PROS1: variants seen among roughly 807,000 people sequenced by gnomAD.
PROS1 encodes vitamin K-dependent protein S.
In PROS1, 29 loss-of-function variants were observed where a neutral mutation model predicts 75.9. That is an observed-to-expected ratio of 0.38 (90% CI 0.28 to 0.52). The LOEUF (loss-of-function observed/expected upper bound fraction) is 0.52, where lower values mean the gene tolerates loss of function less well. Ranked by LOEUF, PROS1 falls within the 20% of genes least tolerant of loss-of-function variation. The pLI is 0.83. For missense variants in PROS1, 680 were observed against 810.3 expected (o/e 0.84, Z 1.95); for synonymous variants, 245 against 280.6 (o/e 0.87, Z 1.27).
At chr3:93,894,549 C>T (rs1395990135) in intron 9 of PROS1, among the ~76,000 whole-genome samples, 1 of 152,054 alleles carries the variant, frequency 6.6e-6, no homozygotes, top group Non-Finnish European at 1.5e-5. Flanking sequence ...TAAAATCAGG[C>T]TGAAATCATA....
chr3:93,920,476 C>T (rs4133534), intron 3 of PROS1, among the ~76,000 whole-genome samples: 117,694 of 152,020 alleles, frequency 0.77, 45,773 homozygotes, highest in Non-Finnish European at 0.81. Context: ...TACTAGACTA[C>T]TGCTTGCATA....
At chr3:93,956,896 G>T (rs1709612412) in intron 1 of PROS1, among the ~76,000 whole-genome samples, 1 of 151,872 alleles carries the variant, frequency 6.6e-6, no homozygotes, top group South Asian at 2.1e-4. Flanking sequence ...TCAAAAGCAC[G>T]TTCCCAGGAG....
chr3:93,947,321 C>A (rs1280376617), intron 1 of PROS1, among the ~76,000 whole-genome samples: 1 of 152,102 alleles, frequency 6.6e-6, no homozygotes, highest in Admixed American at 6.6e-5. Context: ...ATTAACTATA[C>A]AACTCCATTC....
intron 6 of PROS1, among the ~76,000 whole-genome samples, chr3:93,901,892 T>G (rs1215549573): frequency 6.6e-6 from 1 of 152,188 alleles, no homozygotes; most frequent in Non-Finnish European, 1.5e-5. Context: ...TACAACTTCA[T>G]GTGAATCTTT....
chr3:93,902,572 GC>G (rs1169466381), intron 6 of PROS1, among the ~76,000 whole-genome samples: 1 of 151,862 alleles, frequency 6.6e-6, no homozygotes, highest in East Asian at 2.0e-4. Context: ...GGTCAACATG[GC>G]AAAACCCCGT....
intron 1 of PROS1, among the ~76,000 whole-genome samples, chr3:93,961,417 C>T (rs1203322365): frequency 3.3e-5 from 5 of 152,140 alleles, no homozygotes; most frequent in African/African-American, 7.2e-5. Flanking sequence ...GGCCACATGG[C>T]GGGAATGGTG....
At chr3:93,943,769 C>G (rs1328909015) in intron 1 of PROS1, among the ~76,000 whole-genome samples, 1 of 152,184 alleles carries the variant, frequency 6.6e-6, no homozygotes, top group African/African-American at 2.4e-5. Flanking sequence ...AGTGAAGAAT[C>G]ACCAAAGAAG....
chr3:93,874,700 A>AT (rs1708157598), intron 14 of PROS1, among the ~76,000 whole-genome samples: 1 of 152,114 alleles, frequency 6.6e-6, no homozygotes, highest in African/African-American at 2.4e-5. Flanking sequence ...GTGATATTCT[A>AT]TTTTTATTAT....
chr3:93,964,048 G>T (rs1293074811), intron 1 of PROS1, among the ~76,000 whole-genome samples: 1 of 152,120 alleles, frequency 6.6e-6, no homozygotes, highest in Admixed American at 6.5e-5. Flanking sequence ...TCTTATGCTT[G>T]TCTTACTTTA....
At chr3:93,891,863 T>C (rs2107148177) in intron 10 of PROS1, among the ~76,000 whole-genome samples, 1 of 152,184 alleles carries the variant, frequency 6.6e-6, no homozygotes, top group Non-Finnish European at 1.5e-5. Flanking sequence ...AAGACCAGCC[T>C]GGGCAACATA....
At chr3:93,966,762 C>A (rs529110438) in intron 1 of PROS1, among the ~76,000 whole-genome samples, 1 of 150,220 alleles carries the variant, frequency 6.7e-6, no homozygotes, top group Non-Finnish European at 1.5e-5. Flanking sequence ...CCTGTAGTCC[C>A]AGCCACTCAG....
At chr3:93,970,490 C>T (rs976985959) in intron 1 of PROS1, among the ~76,000 whole-genome samples, 1 of 152,056 alleles carries the variant, frequency 6.6e-6, no homozygotes, top group Non-Finnish European at 1.5e-5. Flanking sequence ...TGTGTACCAA[C>T]ACATCCGGCT....
chr3:93,933,945 G>A (rs1270102082), intron 1 of PROS1, among the ~76,000 whole-genome samples: 1 of 151,630 alleles, frequency 6.6e-6, no homozygotes, highest in Non-Finnish European at 1.5e-5. Context: ...GGAGGCGGAG[G>A]GTGCAGTGAG....
chr3:93,927,885 GTATA>G (rs71915979), intron 1 of PROS1, among the ~76,000 whole-genome samples: 10 of 130,400 alleles, frequency 7.7e-5, no homozygotes, highest in Non-Finnish European at 3.2e-5. Flanking sequence ...GTGTGTATGT[GTATA>G]TATATATATA....
intron 7 of PROS1, among the ~76,000 whole-genome samples, chr3:93,900,019 A>G (rs918855426): frequency 7.9e-5 from 12 of 152,346 alleles, no homozygotes; most frequent in Admixed American, 7.2e-4. Context: ...ATATATATAT[A>G]CAGATACAAT....
chr3:93,911,926 T>C (rs1213845492), intron 3 of PROS1, among the ~76,000 whole-genome samples: 3 of 152,188 alleles, frequency 2.0e-5, no homozygotes, highest in Non-Finnish European at 4.4e-5. Flanking sequence ...TAGAAGGGTA[T>C]GTGGAATGGA....
intron 1 of PROS1, among the ~76,000 whole-genome samples, chr3:93,969,494 G>GCTGT (rs1709842408): frequency 6.6e-6 from 1 of 152,174 alleles, no homozygotes. Flanking sequence ...ATTCTAGTGA[G>GCTGT]CTGTCGATCA....
chr3:93,884,221 C>T (rs1708313183), intron 12 of PROS1, among the ~76,000 whole-genome samples: 1 of 152,078 alleles, frequency 6.6e-6, no homozygotes, highest in Non-Finnish European at 1.5e-5. Flanking sequence ...ACAAAGCAAA[C>T]AAAATGACGA....
intron 1 of PROS1, among the ~76,000 whole-genome samples, chr3:93,952,404 A>G (rs187499120): frequency 2.3e-4 from 35 of 152,326 alleles, no homozygotes; most frequent in South Asian, 2.3e-3. Flanking sequence ...CAATCAAACT[A>G]GAACTCAGGA....
Sources: gnomAD v4.1 joint callset for allele counts (sites outside exome capture counted in the v4.1 genomes callset) on GRCh38, gnomAD v4.1.1 for gene constraint, MANE v1.5 for transcripts, NCBI Gene and HGNC (gene_info 2026-07-23, HGNC 2026-07-21) for gene names.